The following SMYD3 variants were observed in gnomAD, a reference collection of about 807,000 sequenced individuals.
SMYD3 encodes the protein SET and MYND domain containing 3.
A neutral mutation model predicts 57.7 loss-of-function variants in SMYD3; 36 were observed. That is an observed-to-expected ratio of 0.62 (90% CI 0.48 to 0.82). The LOEUF (loss-of-function observed/expected upper bound fraction) is 0.82. Among genes scored for constraint, SMYD3 ranks in the 40% least tolerant of loss-of-function variants. The pLI is 0.00. For missense variants in SMYD3, 515 were observed against 538.8 expected, an observed-to-expected ratio of 0.96 and a Z score of 0.44; for synonymous variants, 211 against 195.0, an observed-to-expected ratio of 1.08 and a Z score of -0.68.
intron 5 of SMYD3, among the ~76,000 whole-genome samples, chr1:246,310,151 T>C (rs2065051209): frequency 6.7e-6 from 1 of 150,078 alleles, no homozygotes; most frequent in South Asian, 2.1e-4. Context: ...ATAAAGATAA[T>C]TAGAAGTAAT....
At chr1:246,148,246 C>G (rs1413966317) in intron 5 of SMYD3, among the ~76,000 whole-genome samples, 2 of 152,120 alleles carry the variant, frequency 1.3e-5, no homozygotes, top group Admixed American at 1.3e-4. Context: ...GAGCAGGGCA[C>G]GTGGAGACAA....
chr1:246,337,697 A>C (rs1406414734), intron 2 of SMYD3, among the ~76,000 whole-genome samples: 1 of 152,214 alleles, frequency 6.6e-6, no homozygotes, highest in African/African-American at 2.4e-5. Flanking sequence ...TCAGCAAAAC[A>C]AGGCAGAGAT....
chr1:246,271,422 T>C (rs577547007), intron 5 of SMYD3, among the ~76,000 whole-genome samples: 4 of 152,322 alleles, frequency 2.6e-5, no homozygotes, highest in African/African-American at 9.6e-5. Context: ...AGGAGTTTTA[T>C]AGTTTGGGGT....
chr1:245,751,566 GAGAGAA>G (rs1185455803), intron 11 of SMYD3, among the ~76,000 whole-genome samples: 1 of 143,466 alleles, frequency 7.0e-6, no homozygotes, highest in Non-Finnish European at 1.5e-5. Flanking sequence ...CAGAGAGACA[GAGAGAA>G]AGAGAAAGAG....
intron 10 of SMYD3, among the ~76,000 whole-genome samples, chr1:245,813,001 GCTTCTTT>G (rs1303547755): frequency 7.2e-6 from 1 of 138,442 alleles, no homozygotes; most frequent in African/African-American, 2.7e-5. Flanking sequence ...TCATGAGACA[GCTTCTTT>G]TTTTTTTTTT....
At position 246,450,152 on chromosome 1, in the gene SMYD3, C is replaced by T. The variant is rs772073494; in HGVS notation, c.164+56902G>A. On this transcript the variant is annotated intron_variant, in intron 1 of 11. Coordinates refer to ENST00000490107, the MANE Select transcript of SMYD3 (RefSeq NM_001167740.2). ...AAAATACAAAATTAGCCGGGCGTGG[C>T]GGCACATGCCTGTAATCCCAGCTAC... Among the ~76,000 whole-genome samples the T allele has an allele frequency of 2.0e-5, 3 of 152,046 alleles. No individual in the cohort carries two copies. The East Asian group carries it at 5.8e-4, about 29-fold the overall frequency.
At chr1:245,843,322 CAGGTTTAAGA>C (rs2050494061) in intron 10 of SMYD3, among the ~76,000 whole-genome samples, 1 of 152,042 alleles carries the variant, frequency 6.6e-6, no homozygotes, top group East Asian at 1.9e-4. Flanking sequence ...GAGAATACGC[CAGGTTTAAGA>C]AGGCAGCTGC....
intron 5 of SMYD3, among the ~76,000 whole-genome samples, chr1:246,063,975 AG>A (rs2060299228): frequency 6.8e-6 from 1 of 146,162 alleles, no homozygotes; most frequent in Non-Finnish European, 1.5e-5. Context: ...TAGGCCTGCT[AG>A]GTTAACTCTT....
intron 1 of SMYD3, among the ~76,000 whole-genome samples, chr1:246,387,709 T>C (rs1321695802): frequency 2.0e-5 from 3 of 152,234 alleles, no homozygotes; most frequent in Non-Finnish European, 4.4e-5. Context: ...GAAGGACTTC[T>C]AGTTACAGCT....
intron 8 of SMYD3, among the ~76,000 whole-genome samples, chr1:245,904,664 G>A (rs2054431041): frequency 6.6e-6 from 1 of 152,114 alleles, no homozygotes; most frequent in Admixed American, 6.6e-5. Flanking sequence ...GGCAGTCTAG[G>A]CCATAACGAC....
chr1:245,812,820 T>A (rs965376028), intron 10 of SMYD3, among the ~76,000 whole-genome samples: 1 of 151,708 alleles, frequency 6.6e-6, no homozygotes, highest in Non-Finnish European at 1.5e-5. Flanking sequence ...GAAGGCTTCA[T>A]CATTTATCAG....
At chr1:245,796,277 TAATAAAACC>T (rs760184553) in intron 10 of SMYD3, among the ~76,000 whole-genome samples, 16 of 152,328 alleles carry the variant, frequency 1.1e-4, no homozygotes, top group Non-Finnish European at 1.9e-4. Flanking sequence ...AAATAAAATA[TAATAAAACC>T]TTATTGGGAC....
At chr1:246,181,794 T>C (rs962989714) in intron 5 of SMYD3, among the ~76,000 whole-genome samples, 4 of 152,206 alleles carry the variant, frequency 2.6e-5, no homozygotes, top group African/African-American at 9.6e-5. Context: ...ACCAGTGGGC[T>C]AACATATCCT....
At chr1:246,463,833 CAAAAAAA>C (rs35826530) in intron 1 of SMYD3, among the ~76,000 whole-genome samples, 3 of 70,488 alleles carry the variant, frequency 4.3e-5, no homozygotes, top group Non-Finnish European at 7.3e-5. Context: ...GACCCCGTCT[CAAAAAAA>C]AAAAAAAAAA....
At position 246,076,515 on chromosome 1, in the gene SMYD3, T is replaced by TA. The variant is rs1405653159; in HGVS notation, c.532-146579dup. ...GGGTTTAAAAAAAAATCCAAAATCTTAGACTTAACTATATAGTCAATCAAC... is the reference window on the plus strand; with the variant it reads ...GGGTTTAAAAAAAAATCCAAAATCTTAAGACTTAACTATATAGTCAATCAAC... On this transcript the variant is annotated intron_variant, in intron 5 of 11. Transcript: ENST00000490107. 3.9e-5 allele frequency among the ~76,000 whole-genome samples: 6 copies of TA among 152,196 alleles called. No individual in the cohort carries two copies. The East Asian group carries it at 1.2e-3, about 29-fold the overall frequency.
intron 5 of SMYD3, among the ~76,000 whole-genome samples, chr1:246,168,048 G>A (rs2062252178): frequency 6.6e-6 from 1 of 152,142 alleles, no homozygotes; most frequent in Admixed American, 6.5e-5. Flanking sequence ...AGGAAGCTGT[G>A]CTATGAAACC....
At chr1:246,019,959 C>A (rs1296553959) in intron 5 of SMYD3, among the ~76,000 whole-genome samples, 2 of 152,164 alleles carry the variant, frequency 1.3e-5, no homozygotes. Flanking sequence ...AGATTTTTCT[C>A]TTCACAAACA....
chr1:245,863,723 C>A (rs2051678114), intron 9 of SMYD3, 76 bp downstream of exon 9: 1 of 1,402,728 alleles, frequency 7.1e-7, no homozygotes, highest in Non-Finnish European at 1.0e-6. Context: ...CCGCCTCTGA[C>A]CTCATTACGA....
chr1:246,422,666 C>T (rs1373894900), intron 1 of SMYD3, among the ~76,000 whole-genome samples: 1 of 152,214 alleles, frequency 6.6e-6, no homozygotes, highest in Non-Finnish European at 1.5e-5. Flanking sequence ...AAGTGATCCA[C>T]CCGCCTGAGC....
Sources: gnomAD v4.1 joint callset for allele counts (sites outside exome capture counted in the v4.1 genomes callset) on GRCh38, gnomAD v4.1.1 for gene constraint, MANE v1.5 for transcripts, NCBI Gene and HGNC (gene_info 2026-07-23, HGNC 2026-07-21) for gene names.